SAMMSON: variants seen among roughly 807,000 people sequenced by gnomAD.
SAMMSON encodes survival associated mitochondrial melanoma specific oncogenic non-coding RNA, also known as long intergenic non-protein coding RNA 1212.
At chr3:70,195,246 A>G (rs1256855576) in intron 4 of SAMMSON, among the ~76,000 whole-genome samples, 1 of 152,010 alleles carries the variant, frequency 6.6e-6, no homozygotes, top group Non-Finnish European at 1.5e-5. Context: ...TACAAGTTCT[A>G]TGCATTGAGT....
At chr3:70,070,958 A>G (rs903489942) in intron 3 of SAMMSON, among the ~76,000 whole-genome samples, 1 of 152,056 alleles carries the variant, frequency 6.6e-6, no homozygotes, top group Non-Finnish European at 1.5e-5. Context: ...TTTAATGAAA[A>G]CATACCCTCT....
chr3:70,129,075 A>C (rs1559520023), intron 4 of SAMMSON, among the ~76,000 whole-genome samples: 1 of 152,198 alleles, frequency 6.6e-6, no homozygotes, highest in Non-Finnish European at 1.5e-5. Flanking sequence ...ATAACAGAAA[A>C]GAGCAATTTC....
intron 3 of SAMMSON, among the ~76,000 whole-genome samples, chr3:70,036,158 T>C (rs2067084386): frequency 6.6e-6 from 1 of 152,160 alleles, no homozygotes. Context: ...ATACTTGGTT[T>C]GGAATAAGGG....
At chr3:70,282,939 T>G (rs1215941481) in intron 6 of SAMMSON, among the ~76,000 whole-genome samples, 1 of 152,150 alleles carries the variant, frequency 6.6e-6, no homozygotes, top group African/African-American at 2.4e-5. Context: ...AAAAGATGAC[T>G]CTTATAACCA....
At chr3:70,311,835 AC>A in intron 7 of SAMMSON, 1 of 396,838 alleles carries the variant, frequency 2.5e-6, no homozygotes, top group Non-Finnish European at 4.4e-6. Flanking sequence ...TTGCTTATAA[AC>A]AAAAGCAAAA....
chr3:70,091,328 A>C (rs562864344), intron 4 of SAMMSON, among the ~76,000 whole-genome samples: 6 of 152,220 alleles, frequency 3.9e-5, no homozygotes, highest in Non-Finnish European at 7.4e-5. Context: ...TATTTCCCAG[A>C]TCTCTCTTGG....
intron 7 of SAMMSON, among the ~76,000 whole-genome samples, chr3:70,295,133 A>T (rs1456166762): frequency 6.6e-6 from 1 of 152,186 alleles, no homozygotes. Flanking sequence ...CCAACTTCTG[A>T]GATGGGTGAT....
At chr3:70,324,068 GA>G (rs1559563875) in intron 7 of SAMMSON, among the ~76,000 whole-genome samples, 1 of 152,094 alleles carries the variant, frequency 6.6e-6, no homozygotes, top group Non-Finnish European at 1.5e-5. Context: ...GAATCAGAAA[GA>G]AAGATGACAG....
rs550091584 is a variant in SAMMSON at position 70,228,645 on chromosome 3, T to G, written n.508-20462T>G. 5.3e-3 allele frequency among the ~76,000 whole-genome samples: 810 copies of G among 151,966 alleles called. 11 individuals carry two copies. The highest frequency in any genetic ancestry group is 0.019 in the African/African-American group (770 of 41,494). On this transcript the variant is annotated intron_variant and non_coding_transcript_variant, in intron 4 of 9. Transcript: ENST00000642114. ...AAGTTTTCTTACTTTTTTTTTTTTTTTAGTGTGGGGCTAAATGTTAAAAAT... is the reference window on the plus strand; with the variant it reads ...AAGTTTTCTTACTTTTTTTTTTTTTGTAGTGTGGGGCTAAATGTTAAAAAT...
At position 70,057,196 on chromosome 3, in the gene SAMMSON, T is replaced by G. The variant is rs150550155; in HGVS notation, n.418-14280T>G. On this transcript the variant is annotated intron_variant and non_coding_transcript_variant, in intron 3 of 9. Coordinates refer to ENST00000642114, the Ensembl canonical transcript of SAMMSON. ...TAGTCAAGTCAGAATGCAAAATAAG[T>G]TTCGTGGATAATTTTGTTATTGGGG... Among the ~76,000 whole-genome samples, 186 of 152,174 alleles carry G rather than the reference T, an allele frequency of 1.2e-3. 1 individual carries two copies. The highest frequency in any genetic ancestry group is 4.3e-3 in the African/African-American group (178 of 41,574).
intron 6 of SAMMSON, among the ~76,000 whole-genome samples, chr3:70,265,267 A>T (rs1034258718): frequency 3.3e-5 from 5 of 152,210 alleles, no homozygotes; most frequent in Non-Finnish European, 5.9e-5. Context: ...GGGGATTGAA[A>T]GGAAGTATTC....
In SAMMSON at chr3:70,317,081, G is replaced by T. The variant is rs1037400507; in HGVS notation, n.739+25838G>T. 3.3e-5 allele frequency among the ~76,000 whole-genome samples: 5 copies of T among 152,060 alleles called. 2 individuals are homozygous for T. In the South Asian group the frequency reaches 1.0e-3, roughly 32 times the overall value. ...TAGCAAAAATGTTGCTCCACTTCATGTTATGGGTAATAGGTTTATAACTAT... is the reference window on the plus strand; with the variant it reads ...TAGCAAAAATGTTGCTCCACTTCATTTTATGGGTAATAGGTTTATAACTAT... On this transcript the variant is annotated intron_variant and non_coding_transcript_variant, in intron 7 of 9. Transcript: ENST00000642114.
At position 70,080,902 on chromosome 3, in the gene SAMMSON, T is replaced by C. The variant is rs2067265592; in HGVS notation, n.507+9337T>C. Among the ~76,000 whole-genome samples the C allele has an allele frequency of 1.3e-5, 2 of 152,156 alleles. 1 individual carries two copies. Among genetic ancestry groups the C allele is most frequent in the South Asian group, 4.1e-4 (2 of 4,824 alleles). ...GTGCTTTCTACTAAGTGTTCAAGTA[T>C]AAGGACAACCCAGGGCCTATAGTTC... On this transcript the variant is annotated intron_variant and non_coding_transcript_variant, in intron 4 of 9. Coordinates refer to ENST00000642114, the Ensembl canonical transcript of SAMMSON.
At chr3:70,310,043 G>A (rs1177668635) in intron 7 of SAMMSON, among the ~76,000 whole-genome samples, 3 of 152,140 alleles carry the variant, frequency 2.0e-5, no homozygotes, top group African/African-American at 7.2e-5. Context: ...TGGTGGTGAA[G>A]AACATCTCTA....
At chr3:70,314,887 T>G (rs1202877453) in intron 7 of SAMMSON, among the ~76,000 whole-genome samples, 1 of 152,154 alleles carries the variant, frequency 6.6e-6, no homozygotes, top group African/African-American at 2.4e-5. Context: ...TGTGTTCATT[T>G]TTATATACTT....
chr3:70,111,333 T>C (rs886834578), intron 4 of SAMMSON, among the ~76,000 whole-genome samples: 1 of 152,172 alleles, frequency 6.6e-6, no homozygotes, highest in Non-Finnish European at 1.5e-5. Flanking sequence ...AAGTGATTTA[T>C]AAATACTGGG....
At chr3:70,193,705 T>A (rs2106713541) in intron 4 of SAMMSON, among the ~76,000 whole-genome samples, 1 of 152,344 alleles carries the variant, frequency 6.6e-6, no homozygotes, top group Non-Finnish European at 1.5e-5. Context: ...TTGTGTGGAC[T>A]GAGGGAACTT....
At chr3:70,049,668 C>G (rs1316750063) in intron 3 of SAMMSON, among the ~76,000 whole-genome samples, 1 of 152,096 alleles carries the variant, frequency 6.6e-6, no homozygotes, top group Non-Finnish European at 1.5e-5. Flanking sequence ...TCACCATCAT[C>G]ATCATCATTA....
At chr3:70,198,973 G>A (rs1309941952) in intron 4 of SAMMSON, among the ~76,000 whole-genome samples, 6 of 152,114 alleles carry the variant, frequency 3.9e-5, no homozygotes, top group African/African-American at 1.2e-4. Context: ...CAACCTCATC[G>A]AGTTTTACCA....
Sources: allele counts gnomAD v4.1 joint callset (sites outside exome capture counted in the v4.1 genomes callset), GRCh38; gene constraint gnomAD v4.1.1; transcripts MANE v1.5; gene names NCBI Gene and HGNC (gene_info 2026-07-23, HGNC 2026-07-21).